KRT14: variants seen among roughly 807,000 people sequenced by gnomAD.
The protein encoded by KRT14 is keratin 14.
In KRT14, 30 loss-of-function variants were observed where a neutral mutation model predicts 44.5. The observed-to-expected ratio is 0.67, with a 90% CI of 0.50 to 0.92. The LOEUF is 0.92. Ranked by LOEUF, KRT14 falls within the 40% of genes least tolerant of loss-of-function variation. The pLI is 0.00. For synonymous variants in KRT14, 241 were observed against 257.6 expected, an observed-to-expected ratio of 0.94 and a Z score of 0.62; for missense variants, 535 against 640.6, an observed-to-expected ratio of 0.84 and a Z score of 1.78.
chr17:41,583,754 A>G lies in KRT14; in HGVS notation c.927+6T>C. ...CTGGGTTCCTTCCACCTCAAATGAC[A>G]CCCACCTTGGTGAAGAACCATTCCT... On this transcript the variant is annotated splice_donor_region_variant and intron_variant, in intron 4 of 7. Transcript: ENST00000167586. 1 of 1,614,124 alleles carries G rather than the reference A, an allele frequency of 6.2e-7. No individual in the cohort carries two copies.
In KRT14 at chr17:41,586,589, A is replaced by T. The variant is rs1907537948; in HGVS notation, c.246T>A (p.Ser82Arg). 6.2e-7 allele frequency: 1 copy of T among 1,613,972 alleles called. No homozygotes were observed. The highest frequency in any genetic ancestry group is 8.5e-7 in the Non-Finnish European group (1 of 1,179,894). Residue 82 changes from serine to arginine, a missense_variant, in exon 1 of 8, where the codon AGT becomes AGA. Physicochemically the swap from Ser to Arg is moderately radical, Grantham distance 110 (BLOSUM62 -1). Coordinates refer to ENST00000167586, the MANE Select transcript of KRT14 (RefSeq NM_000526.5). ...GFSSSSSSFG[S>R]GFGGGYGGGL... is the part of the protein sequence containing the mutation. ...CACCACCATATCCTCCCCCAAAGCC[A>T]CTACCAAAGCTGCTGCTGCTGCTGC...
chr17:41,584,013 A>G lies in KRT14; in HGVS notation c.766-92T>C. ...CTGAATACTGCCCTCCCACCATCAC[A>G]ATTCTATCTCGACTCTCCCTTCTCT... On this transcript the variant is annotated intron_variant, in intron 3 of 7. Transcript: ENST00000167586. The G allele has an allele frequency of 2.2e-6, 3 of 1,337,378 alleles. No individual in the cohort carries two copies. The South Asian group carries it at 3.5e-5, about 16-fold the overall frequency. The allele number at this position is 1,337,378 out of a possible 1,614,324, so 82.8% of individuals were successfully genotyped here.
At position 41,583,617 on chromosome 17, in the gene KRT14, G is replaced by A. The variant is rs200418325; in HGVS notation, c.987C>T (p.Ser329=). ...TGGTGCGCCGGAGCTCCGAGATCTC[G>A]CTCTTGCCGCTCTGCACCAGCTCGC... ...TNSELVQSGK[S]EISELRRTMQ... is the part of the protein sequence containing the mutation. Residue 329 remains serine, a synonymous_variant, in exon 5 of 8, where the codon AGC becomes AGT. Transcript: ENST00000167586. The A allele has an allele frequency of 2.7e-5, 43 of 1,614,190 alleles. No homozygotes were observed. Among genetic ancestry groups the A allele is most frequent in the Non-Finnish European group, 3.1e-5 (36 of 1,180,030 alleles).
intron 3 of KRT14, 24 bp from the exon 4 acceptor site, chr17:41,583,945 A>T: frequency 6.2e-7 from 1 of 1,613,724 alleles, no homozygotes; most frequent in East Asian, 2.2e-5. Context: ...GACAGTCCAC[A>T]GTCAGGAGTT....
intron 7 of KRT14, chr17:41,582,885 C>T (rs1907378804): frequency 6.4e-6 from 4 of 629,190 alleles, no homozygotes; most frequent in Non-Finnish European, 8.5e-6. Flanking sequence ...CTGCCACAGA[C>T]ACCACGTAGA....
intron 7 of KRT14, 124 bp from the exon 8 acceptor site, chr17:41,582,656 T>C: frequency 1.3e-6 from 1 of 760,168 alleles, no homozygotes; most frequent in Non-Finnish European, 2.3e-6. Flanking sequence ...CCCTGATTAC[T>C]GCTTCACTCC....
rs199954392 is a variant in KRT14, at chr17:41,586,481, G to T, written c.354C>A (p.Thr118=). ...DGLLVGSEKV[T]MQNLNDRLAS... is the part of the protein sequence containing the mutation. ...CCAGGCGGTCATTGAGGTTCTGCAT[G>T]GTCACCTTCTCACTGCCCACCAGAA... is the stretch of plus-strand genomic sequence containing the variant. The change falls in exon 1 of 8, where the codon ACC becomes ACA. Residue 118 remains threonine (T), a synonymous_variant. Coordinates refer to ENST00000167586, the MANE Select transcript of KRT14 (RefSeq NM_000526.5). 30 of 1,614,122 alleles carry T rather than the reference G, an allele frequency of 1.9e-5. No individual in the cohort carries two copies. The East Asian group carries it at 6.5e-4, about 35-fold the overall frequency.
Position 41,584,270 on chromosome 17 carries a change from T to G in KRT14, c.752A>C (p.Lys251Thr), listed in dbSNP as rs1285938130. 6.2e-7 allele frequency: 1 copy of G among 1,613,736 alleles called. No individual in the cohort carries two copies. The highest frequency in any genetic ancestry group is 1.3e-5 in the African/African-American group (1 of 74,794). Residue 251 changes from lysine to threonine, a missense_variant, in exon 3 of 8, where the codon AAG becomes ACG. Coordinates refer to ENST00000167586, the MANE Select transcript of KRT14 (RefSeq NM_000526.5). Reference sequence around the variant, plus strand: ...TATAGTTCTCACCTCCTCGTGGTTCTTCTTCAGGTAGGCCAGCTCCTCCTT... The same window carrying G: ...TATAGTTCTCACCTCCTCGTGGTTCGTCTTCAGGTAGGCCAGCTCCTCCTT... ...SLKEELAYLK[K>T]NHEEEMNALR... is the part of the protein sequence containing the mutation.
Position 41,586,368 on chromosome 17 carries a change from G to A in KRT14, c.467C>T (p.Pro156Leu). 3 of 1,613,318 alleles carry A rather than the reference G, an allele frequency of 1.9e-6. No homozygotes were observed. The highest frequency in any genetic ancestry group is 2.5e-6 in the Non-Finnish European group (3 of 1,180,026). Residue 156 changes from proline to leucine, a missense_variant, in exon 1 of 8, where the codon CCT becomes CTT. Transcript: ENST00000167586. ...KIRDWYQRQRPAEIKDYSPYF... is the reference protein window; with the variant it reads ...KIRDWYQRQRLAEIKDYSPYF... ...GGGACTGTAGTCTTTGATCTCAGCA[G>A]GCCGCTGCCTCTGGTACCAGTCACG...
chr17:41,583,335 C>A lies in KRT14; in HGVS notation c.1174G>T (p.Glu392Ter), dbSNP rs267607395. ...ATCTTGTACTCCTGGTTCTGCTGCT[C>A]CATCTCGCAGCGGAGCTGGGCCAGC... ...EQLAQLRCEM[E>*]QQNQEYKILL... Residue 392 changes from glutamate to a stop codon, truncating the protein, a stop_gained, in exon 6 of 8, where the codon GAG becomes TAG. Coordinates refer to ENST00000167586, the MANE Select transcript of KRT14 (RefSeq NM_000526.5). LOFTEE classifies it high-confidence loss of function. 6.2e-7 allele frequency: 1 copy of A among 1,613,788 alleles called. No individual in the cohort carries two copies. Among genetic ancestry groups the A allele is most frequent in the Non-Finnish European group, 8.5e-7 (1 of 1,180,018 alleles).
chr17:41,584,236 A>G, intron 3 of KRT14, 21 bp downstream of exon 3: 1 of 1,613,370 alleles, frequency 6.2e-7, no homozygotes, highest in Non-Finnish European at 8.5e-7. Context: ...TTTTAAGCTG[A>G]CTTTTCCATA....
chr17:41,584,186 C>G lies in KRT14; in HGVS notation c.765+71G>C, dbSNP rs1461681644. 3 of 1,417,714 alleles carry G rather than the reference C, an allele frequency of 2.1e-6. No individual in the cohort carries two copies. The African/African-American group carries it at 4.5e-5, about 21-fold the overall frequency. The allele number at this position is 1,417,714 out of a possible 1,614,324, so 87.8% of individuals were successfully genotyped here. A position where few individuals can be genotyped will look rare whatever the true frequency, so the allele number is the denominator to read the frequency against. ...GTCTCAGCCTCCCAAGTAGCTGGGA[C>G]TATGGGCACGCACCACTGTACCCAG... On this transcript the variant is annotated intron_variant, in intron 3 of 7. Transcript: ENST00000167586.
At position 41,584,340 on chromosome 17, in the gene KRT14, G is replaced by A; in HGVS notation, c.682C>T (p.Leu228=). ...INGLRRVLDE[L]TLARADLEMQ... ...TCCAGGTCAGCTCTGGCCAGGGTCA[G>A]TTCGTCCAGCACCCTGCGCAGGCCA... The change falls in exon 3 of 8, where the codon CTG becomes TTG. Residue 228 remains leucine (L), a synonymous_variant. Coordinates refer to ENST00000167586, the MANE Select transcript of KRT14 (RefSeq NM_000526.5). 6.2e-7 allele frequency: 1 copy of A among 1,614,024 alleles called. No homozygotes were observed. Among genetic ancestry groups the A allele is most frequent in the Non-Finnish European group, 8.5e-7 (1 of 1,180,018 alleles).
Position 41,586,811 on chromosome 17 carries a change from G to A in KRT14, c.24C>T (p.Phe8=), listed in dbSNP as rs1288246685. 2.5e-6 allele frequency: 4 copies of A among 1,591,928 alleles called. No homozygotes were observed. Among genetic ancestry groups the A allele is most frequent in the Non-Finnish European group, 2.6e-6 (3 of 1,171,116 alleles). MTTCSRQ[F]TSSSSMKGSC... ...AGCCCTTCATGGAGCTGGAGGAGGT[G>A]AACTGGCGGCTGCAGGTGGTCATGG... Residue 8 remains phenylalanine, a synonymous_variant, in exon 1 of 8, where the codon TTC becomes TTT. Coordinates refer to ENST00000167586, the MANE Select transcript of KRT14 (RefSeq NM_000526.5).
Position 41,583,089 on chromosome 17 carries a change from C to CT in KRT14, c.1321+4dup. 1.2e-6 allele frequency: 2 copies of CT among 1,612,834 alleles called. No individual in the cohort carries two copies. Among genetic ancestry groups the CT allele is most frequent in the Non-Finnish European group, 1.7e-6 (2 of 1,179,920 alleles). On this transcript the variant is annotated splice_donor_region_variant and intron_variant, in intron 7 of 7. Coordinates refer to ENST00000167586, the MANE Select transcript of KRT14 (RefSeq NM_000526.5). ...GCCCAGGCCTGCAGAGGAGGAGGGT[C>CT]TTACCATCTCTGGATGACTGCGATC...
chr17:41,584,329 G>A lies in KRT14; in HGVS notation c.693C>T (p.Ala231=). ...LRRVLDELTL[A]RADLEMQIES... ...CAATCTGCATCTCCAGGTCAGCTCTGGCCAGGGTCAGTTCGTCCAGCACCC... is the reference window on the plus strand; with the variant it reads ...CAATCTGCATCTCCAGGTCAGCTCTAGCCAGGGTCAGTTCGTCCAGCACCC... Residue 231 remains alanine, a synonymous_variant, in exon 3 of 8, where the codon GCC becomes GCT. Transcript: ENST00000167586. The A allele has an allele frequency of 6.2e-7, 1 of 1,613,958 alleles. No individual in the cohort carries two copies. The highest frequency in any genetic ancestry group is 8.5e-7 in the Non-Finnish European group (1 of 1,180,018).
chr17:41,582,891 G>A (rs78011146), intron 7 of KRT14: 7,005 of 636,896 alleles, frequency 0.011, 83 homozygotes, highest in African/African-American at 0.052. Flanking sequence ...CAGACACCAC[G>A]TAGAAGCAAG....
At position 41,586,661 on chromosome 17, in the gene KRT14, G is replaced by T. The variant is rs1597800017; in HGVS notation, c.174C>A (p.Ser58=). The T allele has an allele frequency of 6.2e-7, 1 of 1,602,196 alleles. No homozygotes were observed. Among genetic ancestry groups the T allele is most frequent in the Non-Finnish European group, 8.5e-7 (1 of 1,174,330 alleles). Residue 58 remains serine, a synonymous_variant, in exon 1 of 8, where the codon TCC becomes TCA. Transcript: ENST00000167586. The part of the protein sequence containing the change: ...GGLSVSSSRF[S]SGGACGLGGG... ...CCCCCAGCCCGCAGGCTCCCCCAGA[G>T]GAGAAGCGGGAGGATGAGACAGACA...
intron 3 of KRT14, 52 bp downstream of exon 3, chr17:41,584,205 T>C: frequency 3.2e-6 from 5 of 1,582,266 alleles, no homozygotes; most frequent in Non-Finnish European, 4.3e-6. Context: ...CGCACCACTG[T>C]ACCCAGCCTC....
Sources: gnomAD v4.1 joint callset for allele counts on GRCh38, gnomAD v4.1.1 for gene constraint, MANE v1.5 for transcripts, NCBI Gene and HGNC (gene_info 2026-07-23, HGNC 2026-07-21) for gene names.